The following UCHL5 variants were observed in gnomAD, a reference collection of about 807,000 sequenced individuals.
The protein encoded by UCHL5 is ubiquitin carboxyl-terminal hydrolase isozyme L5.
UCHL5 carries 34 observed loss-of-function variants against 53.8 expected under a neutral mutation model. The ratio of observed to expected loss-of-function variants is 0.63; its 90% CI spans 0.48 to 0.84. UCHL5 has a LOEUF of 0.84. Ranked by LOEUF, UCHL5 falls within the 40% of genes least tolerant of loss-of-function variation. UCHL5 has a pLI of 0.00. For synonymous variants in UCHL5, 111 were observed against 126.3 expected, an observed-to-expected ratio of 0.88 and a Z score of 0.81; for missense variants, 290 against 385.6, an observed-to-expected ratio of 0.75 and a Z score of 2.08.
chr1:193,034,083 A>G (rs1662493438), intron 3 of UCHL5, among the ~76,000 whole-genome samples: 1 of 152,114 alleles, frequency 6.6e-6, no homozygotes. Context: ...AATAATCAAA[A>G]CAGTGGTTCA....
intron 9 of UCHL5, 136 bp downstream of exon 9, chr1:193,022,790 T>G (rs36034206): frequency 1 from 578,202 of 579,360 alleles, 288,522 homozygotes; most frequent in East Asian, 1. Flanking sequence ...ATCTTTGTAG[T>G]GATAAGAGAA....
At chr1:193,032,921 T>C (rs1466176460) in intron 3 of UCHL5, among the ~76,000 whole-genome samples, 2 of 152,212 alleles carry the variant, frequency 1.3e-5, no homozygotes, top group African/African-American at 2.4e-5. Flanking sequence ...GCTTTTACAT[T>C]GTTGGTGGGA....
chr1:193,057,529 T>A (rs1671018427), intron 1 of UCHL5: 1 of 152,248 alleles, frequency 6.6e-6, no homozygotes, highest in African/African-American at 2.4e-5. Flanking sequence ...CTTCTCTCAC[T>A]TTATTCCAAC....
Position 193,015,753 on chromosome 1 carries a change from A to G in UCHL5, c.*598T>C, listed in dbSNP as rs1230978684. 6.6e-6 allele frequency: 1 copy of G among 152,108 alleles called. No homozygotes were observed. The highest frequency in any genetic ancestry group is 2.4e-5 in the African/African-American group (1 of 41,464). 9.4% of individuals were successfully genotyped at this position (152,108 alleles called of 1,614,324 possible). A position where few individuals can be genotyped will look rare whatever the true frequency, so the allele number is the denominator to read the frequency against. On this transcript the variant is annotated 3_prime_UTR_variant, in exon 11 of 11. Coordinates refer to ENST00000367454, the MANE Select transcript of UCHL5 (RefSeq NM_001199261.3). ...TAAACAAATAACCCCAAACACTTGA[A>G]GAAAATTTACTAAAATAAAATTGAG...
intron 3 of UCHL5, among the ~76,000 whole-genome samples, chr1:193,042,167 T>G (rs573363409): frequency 6.6e-6 from 1 of 150,946 alleles, no homozygotes; most frequent in Admixed American, 6.6e-5. Context: ...TTTTATCAAG[T>G]TAAAATTTTA....
chr1:193,021,030 A>T, intron 10 of UCHL5, 67 bp downstream of exon 10: 1 of 1,264,284 alleles, frequency 7.9e-7, no homozygotes, highest in Admixed American at 2.3e-5. Context: ...AGCAAAAAAT[A>T]AAAAATACAT....
chr1:193,021,673 G>A (rs1431616523), intron 9 of UCHL5, among the ~76,000 whole-genome samples: 1 of 152,096 alleles, frequency 6.6e-6, no homozygotes. Context: ...ATCCTCTCAA[G>A]TTATGTGATT....
chr1:193,042,326 G>C lies in UCHL5; in HGVS notation c.246+7420C>G, dbSNP rs1665869821. 2.0e-5 allele frequency among the ~76,000 whole-genome samples: 3 copies of C among 152,116 alleles called. No homozygotes were observed. The South Asian group carries it at 6.2e-4, about 31-fold the overall frequency. On this transcript the variant is annotated intron_variant, in intron 3 of 10. Transcript: ENST00000367454. Reference sequence around the variant, plus strand: ...GACAGAAGGAAGTAACATAGATAAAGTTTATTTCAGCGGTAAGTTCTTAGG... The same window carrying C: ...GACAGAAGGAAGTAACATAGATAAACTTTATTTCAGCGGTAAGTTCTTAGG...
Position 193,021,167 on chromosome 1 carries a change from T to C in UCHL5, c.872A>G (p.Tyr291Cys). ...TAACAATTCCATAATGAAAGGCAGATAATTATGCTTCCTTCTGATATTCTC... is the reference window on the plus strand; with the variant it reads ...TAACAATTCCATAATGAAAGGCAGACAATTATGCTTCCTTCTGATATTCTC... ...KIENIRRKHN[Y>C]LPFIMELLKT... The change falls in exon 10 of 11, where the codon TAT becomes TGT. Residue 291 changes from tyrosine (Y) to cysteine (C), a missense_variant. By Grantham distance (194) the Tyr-to-Cys change is radical. Transcript: ENST00000367454. 2 of 1,609,330 alleles carry C rather than the reference T, an allele frequency of 1.2e-6. No homozygotes were observed. The highest frequency in any genetic ancestry group is 1.7e-6 in the Non-Finnish European group (2 of 1,177,040).
intron 3 of UCHL5, among the ~76,000 whole-genome samples, chr1:193,030,658 T>C (rs1047066668): frequency 2.0e-5 from 3 of 152,238 alleles, no homozygotes; most frequent in African/African-American, 7.2e-5. Flanking sequence ...TACAGTATTA[T>C]GTTACTATAT....
chr1:193,028,843 C>T (rs1660321158), intron 6 of UCHL5, among the ~76,000 whole-genome samples: 1 of 151,924 alleles, frequency 6.6e-6, no homozygotes, highest in African/African-American at 2.4e-5. Flanking sequence ...GCTTGCTATC[C>T]CTTACGAATG....
rs1057091664 is a variant in UCHL5, at chr1:193,013,427, T to C, written c.*2924A>G. The stretch of plus-strand genomic sequence containing the variant: ...CTGAAAATTTGTATATGATCAAGTT[T>C]AAAAATAATATAAACTTCATAGAAC... On this transcript the variant is annotated 3_prime_UTR_variant, in exon 11 of 11. Coordinates refer to ENST00000367454, the MANE Select transcript of UCHL5 (RefSeq NM_001199261.3). The C allele has an allele frequency of 2.0e-5, 3 of 152,140 alleles. No homozygotes were observed. Among genetic ancestry groups the C allele is most frequent in the African/African-American group, 7.2e-5 (3 of 41,412 alleles). 9.4% of individuals were successfully genotyped at this position (152,140 alleles called of 1,614,324 possible).
At chr1:193,026,469 GA>G (rs1381296823) in intron 7 of UCHL5, among the ~76,000 whole-genome samples, 1 of 152,076 alleles carries the variant, frequency 6.6e-6, no homozygotes, top group Non-Finnish European at 1.5e-5. Flanking sequence ...AATCCAATCA[GA>G]AAATGAGCTA....
chr1:193,025,098 T>G (rs567814356), intron 7 of UCHL5, among the ~76,000 whole-genome samples: 2 of 152,198 alleles, frequency 1.3e-5, no homozygotes, highest in African/African-American at 4.8e-5. Context: ...TATCCCAGAA[T>G]TGGAGCTGAA....
intron 3 of UCHL5, among the ~76,000 whole-genome samples, chr1:193,039,419 T>C (rs894843427): frequency 4.0e-5 from 6 of 151,410 alleles, no homozygotes; most frequent in African/African-American, 1.5e-4. Context: ...AAAAAAAAAA[T>C]AATAATCTAA....
chr1:193,022,166 C>CCCTA (rs1419204165), intron 9 of UCHL5, among the ~76,000 whole-genome samples: 1 of 152,064 alleles, frequency 6.6e-6, no homozygotes, highest in Non-Finnish European at 1.5e-5. Context: ...GCCTGCCTGC[C>CCCTA]CCTACCACTT....
At chr1:193,020,984 A>C in intron 10 of UCHL5, 113 bp downstream of exon 10, 2 of 719,516 alleles carry the variant, frequency 2.8e-6, no homozygotes, top group Non-Finnish European at 4.6e-6. Context: ...AAAAGAATAA[A>C]AACGTACAAG....
chr1:193,023,870 C>T lies in UCHL5; in HGVS notation c.706G>A (p.Ala236Thr), dbSNP rs1213930637. Residue 236 changes from alanine (A) to threonine (T), a missense_variant, in exon 8 of 11, where the codon GCA becomes ACA. Ala to Thr is a moderately conservative substitution (Grantham distance 58, BLOSUM62 0). Transcript: ENST00000367454. ...TCTGCAAGTTGTCTTTGTAACTCTG[C>T]TATCTTCTGCTCATATATCATTTTT... is the stretch of plus-strand genomic sequence containing the variant. ...DRKMIYEQKI[A>T]ELQRQLAEEP... 8 of 1,612,664 alleles carry T rather than the reference C, an allele frequency of 5.0e-6. No individual in the cohort carries two copies. Among genetic ancestry groups the T allele is most frequent in the Non-Finnish European group, 5.9e-6 (7 of 1,179,622 alleles).
chr1:193,036,317 CA>C (rs960496083), intron 3 of UCHL5, among the ~76,000 whole-genome samples: 625 of 50,818 alleles, frequency 0.012, 1 homozygote, highest in South Asian at 0.055. Flanking sequence ...AACTGGAAAC[CA>C]AAAAAAAAAA....
Sources: gnomAD v4.1 joint callset for allele counts (sites outside exome capture counted in the v4.1 genomes callset) on GRCh38, gnomAD v4.1.1 for gene constraint, MANE v1.5 for transcripts, NCBI Gene and HGNC (gene_info 2026-07-23, HGNC 2026-07-21) for gene names.